PACSIN2: variants seen among roughly 807,000 people sequenced by gnomAD.
The protein encoded by PACSIN2 is protein kinase C and casein kinase substrate in neurons 2, also known as protein kinase C and casein kinase substrate in neurons protein 2.
PACSIN2 carries 25 observed loss-of-function variants against 63.8 expected under a neutral mutation model. The ratio of observed to expected loss-of-function variants is 0.39; its 90% CI spans 0.29 to 0.55. The LOEUF is 0.55. Among genes scored for constraint, PACSIN2 ranks in the 20% least tolerant of loss-of-function variants. The pLI is 0.62. For synonymous variants in PACSIN2, 255 were observed against 256.2 expected (o/e 1.00, Z 0.05); for missense variants, 518 against 646.9 (o/e 0.80, Z 2.16).
At chr22:42,978,387 C>G (rs1369240201) in intron 1 of PACSIN2, among the ~76,000 whole-genome samples, 4 of 152,184 alleles carry the variant, frequency 2.6e-5, no homozygotes, top group Admixed American at 2.0e-4. Context: ...AATCCAATAA[C>G]CTATAACGCT....
intron 2 of PACSIN2, among the ~76,000 whole-genome samples, chr22:42,895,264 A>C (rs1043594249): frequency 6.6e-6 from 1 of 152,224 alleles, no homozygotes; most frequent in African/African-American, 2.4e-5. Flanking sequence ...TGCTTCCCTT[A>C]AAATGAGGCC....
At chr22:42,919,192 G>A (rs1215728894) in intron 1 of PACSIN2, among the ~76,000 whole-genome samples, 1 of 152,174 alleles carries the variant, frequency 6.6e-6, no homozygotes, top group Non-Finnish European at 1.5e-5. Context: ...GGAAGAGAGT[G>A]TGATATTGAG....
intron 3 of PACSIN2, among the ~76,000 whole-genome samples, chr22:42,891,922 C>T (rs920868265): frequency 3.9e-5 from 6 of 152,190 alleles, no homozygotes; most frequent in African/African-American, 7.2e-5. Context: ...CCCTGCACTG[C>T]CTTCCTCTGC....
At chr22:42,877,070 G>C (rs931549748) in intron 8 of PACSIN2, 60 bp from the exon 9 acceptor site, 10 of 1,577,136 alleles carry the variant, frequency 6.3e-6, no homozygotes, top group Non-Finnish European at 8.7e-6. Context: ...GAGGGTCCTG[G>C]CAACTCCTAG....
At chr22:42,947,137 C>T (rs1933458727) in intron 1 of PACSIN2, 1 of 152,250 alleles carries the variant, frequency 6.6e-6, no homozygotes. Flanking sequence ...AAAGATTCTC[C>T]TGGCATAAAT....
chr22:42,981,410 C>G, intron 1 of PACSIN2, among the ~76,000 whole-genome samples: 1 of 133,700 alleles, frequency 7.5e-6, no homozygotes, highest in African/African-American at 3.0e-5. Flanking sequence ...AGGGGCGCCT[C>G]TGCCCGGCCG....
intron 1 of PACSIN2, among the ~76,000 whole-genome samples, chr22:42,980,036 T>C (rs1955574467): frequency 6.6e-6 from 1 of 151,988 alleles, no homozygotes; most frequent in South Asian, 2.1e-4. Context: ...CCATTAAAAC[T>C]ATTAAAACAA....
At chr22:42,889,591 G>T (rs563332188) in intron 4 of PACSIN2, among the ~76,000 whole-genome samples, 1 of 152,260 alleles carries the variant, frequency 6.6e-6, no homozygotes, top group African/African-American at 2.4e-5. Context: ...AAAACCATCC[G>T]GAAGGACAGA....
intron 2 of PACSIN2, among the ~76,000 whole-genome samples, chr22:42,907,169 C>A (rs1931133427): frequency 6.6e-6 from 1 of 152,198 alleles, no homozygotes; most frequent in South Asian, 2.1e-4. Context: ...GAGCCCAGGG[C>A]AGAGCTTCTC....
At chr22:42,921,966 T>C (rs1163351045) in intron 1 of PACSIN2, among the ~76,000 whole-genome samples, 1 of 152,160 alleles carries the variant, frequency 6.6e-6, no homozygotes, top group East Asian at 1.9e-4. Flanking sequence ...CTCGAACTCC[T>C]GAACTCAGGT....
intron 1 of PACSIN2, among the ~76,000 whole-genome samples, chr22:42,948,923 AC>A (rs1933554079): frequency 2.0e-5 from 3 of 152,198 alleles, no homozygotes; most frequent in African/African-American, 7.2e-5. Flanking sequence ...CAAACAGGGA[AC>A]TCAATTGTCA....
chr22:42,990,637 T>G (rs985128708), intron 1 of PACSIN2, among the ~76,000 whole-genome samples: 1 of 152,038 alleles, frequency 6.6e-6, no homozygotes, highest in Non-Finnish European at 1.5e-5. Flanking sequence ...AAGATTTGCA[T>G]GGGAGAAATG....
chr22:42,947,711 G>A (rs769814543), intron 1 of PACSIN2, among the ~76,000 whole-genome samples: 4 of 152,216 alleles, frequency 2.6e-5, no homozygotes, highest in Middle Eastern at 3.4e-3. Flanking sequence ...AGCTGCCTCA[G>A]GCAAAATACC....
chr22:42,987,494 C>CACACACACACA lies in PACSIN2; in HGVS notation c.-78+27526_-78+27527insTGTGTGTGTGT, dbSNP rs769969045. Among the ~76,000 whole-genome samples, 158 of 68,038 alleles carry CACACACACACA rather than the reference C, an allele frequency of 2.3e-3. 2 individuals are homozygous for CACACACACACA. The highest frequency in any genetic ancestry group is 7.6e-3 in the Middle Eastern group (1 of 132). The allele number at this position is 68,038 out of a possible 152,430, so 44.6% of individuals were successfully genotyped here. A position where few individuals can be genotyped will look rare whatever the true frequency, so the allele number is the denominator to read the frequency against. On this transcript the variant is annotated intron_variant, in intron 1 of 10. Transcript: ENST00000263246. ...CACACACACACACACACACACACAC[C>CACACACACACA]CATGGCACCATGTTCAGAAGACGGG... is the stretch of plus-strand genomic sequence containing the variant.
intron 1 of PACSIN2, among the ~76,000 whole-genome samples, chr22:42,931,922 T>C (rs370775161): frequency 3.9e-4 from 59 of 152,338 alleles, no homozygotes; most frequent in Admixed American, 1.1e-3. Flanking sequence ...GTTTAATGTT[T>C]TCCCATGGAA....
intron 1 of PACSIN2, among the ~76,000 whole-genome samples, chr22:42,928,635 A>G (rs879924216): frequency 3.1e-4 from 47 of 152,328 alleles, no homozygotes; most frequent in African/African-American, 1.1e-3. Context: ...AATGAAGTAC[A>G]CCCCAAAATA....
intron 1 of PACSIN2, among the ~76,000 whole-genome samples, chr22:42,950,941 G>A (rs970707439): frequency 2.6e-5 from 4 of 152,120 alleles, no homozygotes; most frequent in African/African-American, 4.8e-5. Flanking sequence ...AGCATTAAGG[G>A]CTGGGGGAAA....
intron 1 of PACSIN2, among the ~76,000 whole-genome samples, chr22:42,951,011 G>A (rs1454110306): frequency 6.6e-6 from 1 of 152,170 alleles, no homozygotes; most frequent in African/African-American, 2.4e-5. Context: ...TGGTGGTCAG[G>A]GAAGGTTGTC....
At chr22:42,934,168 G>C (rs1311490599) in intron 1 of PACSIN2, among the ~76,000 whole-genome samples, 1 of 152,204 alleles carries the variant, frequency 6.6e-6, no homozygotes, top group African/African-American at 2.4e-5. Flanking sequence ...ATATGTTTTA[G>C]AGTTGAGATG....
Sources: gnomAD v4.1 joint callset for allele counts (sites outside exome capture counted in the v4.1 genomes callset) on GRCh38, gnomAD v4.1.1 for gene constraint, MANE v1.5 for transcripts, NCBI Gene and HGNC (gene_info 2026-07-23, HGNC 2026-07-21) for gene names.